The following BMP8A variants were observed in gnomAD, a reference collection of about 807,000 sequenced individuals.
BMP8A encodes the protein bone morphogenetic protein 8a.
Under a neutral mutation model 36.8 loss-of-function variants are expected in BMP8A, and 14 were observed. That is an observed-to-expected ratio of 0.38 (90% CI 0.25 to 0.60). BMP8A has a LOEUF of 0.60. Ranked by LOEUF, BMP8A falls within the 20% of genes least tolerant of loss-of-function variation. The pLI, the probability that BMP8A is intolerant of heterozygous loss-of-function variation, is 0.63. For missense variants in BMP8A, 267 were observed against 551.1 expected (o/e 0.48, Z 5.16); for synonymous variants, 120 against 237.7 (o/e 0.50, Z 4.55).
chr1:39,506,086 C>T (rs1294071366), intron 1 of BMP8A, among the ~76,000 whole-genome samples: 1 of 151,498 alleles, frequency 6.6e-6, no homozygotes. Flanking sequence ...TAAATGTATT[C>T]GTGTATTAAT....
At chr1:39,496,346 G>A (rs1396548859) in intron 1 of BMP8A, among the ~76,000 whole-genome samples, 7 of 149,916 alleles carry the variant, frequency 4.7e-5, no homozygotes, top group Admixed American at 2.7e-4. Context: ...AGACAGCAAC[G>A]CCCCATCGGG....
intron 1 of BMP8A, among the ~76,000 whole-genome samples, chr1:39,509,390 G>T (rs1381044959): frequency 6.6e-6 from 1 of 152,148 alleles, no homozygotes; most frequent in Admixed American, 6.5e-5. Context: ...GAGCACACGT[G>T]TGTAGATATT....
Position 39,491,821 on chromosome 1 carries a change from G to T in BMP8A, c.-171G>T. The T allele has an allele frequency of 1.2e-5, 5 of 429,418 alleles. No homozygotes were observed. The highest frequency in any genetic ancestry group is 1.6e-5 in the Non-Finnish European group (5 of 314,736). 26.6% of individuals were successfully genotyped at this position (429,418 alleles called of 1,614,324 possible). Reference sequence around the variant, plus strand: ...CAGCGTCCGCTTGTCCCGGAGCCGGGGCAGGTGCGCGCGGGGGGCGCTCCA... The same window carrying T: ...CAGCGTCCGCTTGTCCCGGAGCCGGTGCAGGTGCGCGCGGGGGGCGCTCCA... On this transcript the variant is annotated 5_prime_UTR_variant, in exon 1 of 7. Transcript: ENST00000331593.
Position 39,511,039 on chromosome 1 carries a change from C to T in BMP8A, c.335-135C>T, listed in dbSNP as rs1041562245. On this transcript the variant is annotated intron_variant, in intron 1 of 6. Transcript: ENST00000331593. ...AACAAACGTTTGCACAAAATGAAGC[C>T]GGCCCCACCCAGGCCTCCCTGGGTC... is the stretch of plus-strand genomic sequence containing the variant. The T allele has an allele frequency of 1.1e-5, 15 of 1,332,410 alleles. 1 individual carries two copies. Among genetic ancestry groups the T allele is most frequent in the East Asian group, 2.5e-5 (1 of 40,038 alleles). The allele number at this position is 1,332,410 out of a possible 1,614,324, so 82.5% of individuals were successfully genotyped here. A position where few individuals can be genotyped will look rare whatever the true frequency, so the allele number is the denominator to read the frequency against.
intron 4 of BMP8A, 39 bp from the exon 5 acceptor site, chr1:39,522,364 G>C: frequency 1.4e-6 from 2 of 1,426,684 alleles, no homozygotes; most frequent in Non-Finnish European, 9.7e-7. Context: ...GCACACAGCA[G>C]GAACCCCAGA....
intron 1 of BMP8A, among the ~76,000 whole-genome samples, chr1:39,506,781 A>G (rs943588550): frequency 2.6e-5 from 4 of 151,874 alleles, no homozygotes; most frequent in African/African-American, 9.7e-5. Flanking sequence ...TTGTTATCTG[A>G]CTTCCCTGCA....
At chr1:39,493,318 C>G (rs1645178144) in intron 1 of BMP8A, among the ~76,000 whole-genome samples, 1 of 152,246 alleles carries the variant, frequency 6.6e-6, no homozygotes, top group South Asian at 2.1e-4. Flanking sequence ...CAGCCACGGT[C>G]TTCATCCCCA....
intron 1 of BMP8A, among the ~76,000 whole-genome samples, chr1:39,508,156 CAGG>C (rs1163830578): frequency 6.6e-6 from 1 of 151,482 alleles, no homozygotes; most frequent in East Asian, 1.9e-4. Flanking sequence ...GAGGCTGAGG[CAGG>C]AGAATGGCGT....
intron 1 of BMP8A, among the ~76,000 whole-genome samples, chr1:39,507,241 C>G (rs1316143388): frequency 6.6e-6 from 1 of 152,224 alleles, no homozygotes; most frequent in Non-Finnish European, 1.5e-5. Flanking sequence ...CCCAGCCTAT[C>G]TGAATCTGAC....
intron 3 of BMP8A, among the ~76,000 whole-genome samples, chr1:39,514,494 G>T (rs1161888313): frequency 3.3e-5 from 5 of 150,946 alleles, no homozygotes; most frequent in Non-Finnish European, 2.9e-5. Flanking sequence ...GGTTGTCACA[G>T]GATTAAAGGA....
chr1:39,514,907 C>G, intron 3 of BMP8A: 1 of 1,429,248 alleles, frequency 7.0e-7, no homozygotes, highest in South Asian at 1.5e-5. Context: ...CGGCCCGAGG[C>G]GCACGCAGGG....
intron 1 of BMP8A, among the ~76,000 whole-genome samples, chr1:39,497,363 T>G (rs776155954): frequency 6.6e-6 from 1 of 152,228 alleles, no homozygotes; most frequent in South Asian, 2.1e-4. Flanking sequence ...CGGGGTTGCA[T>G]GCAGTGTGGC....
At chr1:39,500,280 G>A (rs960593282) in intron 1 of BMP8A, among the ~76,000 whole-genome samples, 1 of 152,178 alleles carries the variant, frequency 6.6e-6, no homozygotes, top group Non-Finnish European at 1.5e-5. Context: ...TGGATCCCTA[G>A]CATTTTTGAA....
intron 5 of BMP8A, 39 bp downstream of exon 5, chr1:39,522,521 C>T (rs139291071): frequency 0.017 from 26,709 of 1,609,582 alleles, 32 homozygotes; most frequent in Non-Finnish European, 0.019. Context: ...ATGACAATCA[C>T]CACCTGTAGA....
At chr1:39,502,779 C>CA (rs1159644582) in intron 1 of BMP8A, among the ~76,000 whole-genome samples, 13 of 152,256 alleles carry the variant, frequency 8.5e-5, no homozygotes, top group African/African-American at 3.1e-4. Context: ...CACAGTGGCT[C>CA]ACGCCTGTAA....
rs201627720 is a variant in BMP8A at position 39,515,883 on chromosome 1, C to T, written c.673+3979C>T. The T allele has an allele frequency of 3.2e-6, 5 of 1,571,848 alleles. 1 individual carries two copies. The highest frequency in any genetic ancestry group is 1.8e-5 in the Admixed American group (1 of 56,946). On this transcript the variant is annotated intron_variant, in intron 3 of 6. Coordinates refer to ENST00000331593, the MANE Select transcript of BMP8A (RefSeq NM_181809.4). ...CTGGAATTTGAGGACGGCATGTACG[C>T]CAATCTGGGCATAGGCATCCCCCTG...
chr1:39,492,473 G>A (rs184271320), intron 1 of BMP8A, 148 bp downstream of exon 1: 25,077 of 1,331,158 alleles, frequency 0.019, 681 homozygotes, highest in African/African-American at 0.14. Context: ...CCGTGGTTAG[G>A]GAAGGTCTAA....
intron 1 of BMP8A, among the ~76,000 whole-genome samples, chr1:39,506,492 C>T (rs1645302555): frequency 6.6e-6 from 1 of 151,872 alleles, no homozygotes; most frequent in Non-Finnish European, 1.5e-5. Flanking sequence ...CAGGTGTGAG[C>T]CACCGCGCCC....
At chr1:39,523,144 C>G (rs577389099) in intron 6 of BMP8A, 27 bp downstream of exon 6, 1 of 1,610,448 alleles carries the variant, frequency 6.2e-7, no homozygotes, top group East Asian at 2.2e-5. Flanking sequence ...TCCTGCCCAG[C>G]CCCCTGGGGT....
Sources: gnomAD v4.1 joint callset for allele counts (sites outside exome capture counted in the v4.1 genomes callset) on GRCh38, gnomAD v4.1.1 for gene constraint, MANE v1.5 for transcripts, NCBI Gene and HGNC (gene_info 2026-07-23, HGNC 2026-07-21) for gene names.